Variants in SPAG16 observed in about 807,000 individuals in gnomAD.
SPAG16 encodes the protein sperm-associated antigen 16 protein.
In SPAG16, 86 loss-of-function variants were observed where a neutral mutation model predicts 80.4. The ratio of observed to expected loss-of-function variants is 1.07; its 90% CI spans 0.90 to 1.28. The LOEUF is 1.28. Ranked by LOEUF, SPAG16 falls within the 50% of genes most tolerant of loss-of-function variation. The pLI is 0.00. For missense variants in SPAG16, 870 were observed against 765.3 expected (o/e 1.14, Z -1.61); for synonymous variants, 294 against 265.9 (o/e 1.11, Z -1.03).
intron 15 of SPAG16, among the ~76,000 whole-genome samples, chr2:214,253,355 G>A (rs1690443483): frequency 6.6e-6 from 1 of 152,102 alleles, no homozygotes; most frequent in Admixed American, 6.6e-5. Flanking sequence ...TGCTTTTGGT[G>A]TTTTAGTCAT....
At chr2:213,839,431 C>T (rs1224354794) in intron 10 of SPAG16, among the ~76,000 whole-genome samples, 1 of 152,040 alleles carries the variant, frequency 6.6e-6, no homozygotes, top group Non-Finnish European at 1.5e-5. Flanking sequence ...ATGTTAGAAT[C>T]ACAAATAAAT....
chr2:214,323,711 C>T (rs955429072), intron 15 of SPAG16, among the ~76,000 whole-genome samples: 2 of 152,172 alleles, frequency 1.3e-5, no homozygotes, highest in Admixed American at 1.3e-4. Context: ...TTGAATTACA[C>T]TAAACTAATA....
At position 214,363,205 on chromosome 2, in the gene SPAG16, G is replaced by A. The variant is rs186931268; in HGVS notation, c.1721-46935G>A. On this transcript the variant is annotated intron_variant, in intron 15 of 15. Coordinates refer to ENST00000331683, the MANE Select transcript of SPAG16 (RefSeq NM_024532.5). ...TATAGTTCTAAAGCTTCTTGAGCTAGAAGTCTCGATGTACTACCTGTACTT... is the reference window on the plus strand; with the variant it reads ...TATAGTTCTAAAGCTTCTTGAGCTAAAAGTCTCGATGTACTACCTGTACTT... Among the ~76,000 whole-genome samples, 362 of 151,988 alleles carry A rather than the reference G, an allele frequency of 2.4e-3. 11 individuals are homozygous for A. The highest frequency in any genetic ancestry group is 0.024 in the Admixed American group (359 of 15,210).
chr2:213,705,320 A>T (rs1185822693), intron 10 of SPAG16, among the ~76,000 whole-genome samples: 2 of 152,114 alleles, frequency 1.3e-5, no homozygotes, highest in Non-Finnish European at 2.9e-5. Context: ...GGAAGGAATC[A>T]AGTAGACTAG....
intron 10 of SPAG16, among the ~76,000 whole-genome samples, chr2:213,591,756 C>T (rs993993203): frequency 2.0e-5 from 3 of 152,038 alleles, no homozygotes. Flanking sequence ...TAAGAAGAAA[C>T]ATGAGGAGTA....
At chr2:213,904,441 C>T (rs530856160) in intron 11 of SPAG16, among the ~76,000 whole-genome samples, 11 of 152,146 alleles carry the variant, frequency 7.2e-5, no homozygotes, top group Admixed American at 1.3e-4. Flanking sequence ...GACTTATTCA[C>T]TACCATTAGA....
intron 15 of SPAG16, among the ~76,000 whole-genome samples, chr2:214,254,344 G>A (rs926112509): frequency 2.6e-5 from 4 of 152,098 alleles, no homozygotes; most frequent in African/African-American, 9.7e-5. Flanking sequence ...TGGTAAGAGG[G>A]GGCATCCTTG....
intron 15 of SPAG16, among the ~76,000 whole-genome samples, chr2:214,341,274 A>T (rs1268222953): frequency 6.6e-6 from 1 of 152,196 alleles, no homozygotes; most frequent in Non-Finnish European, 1.5e-5. Context: ...CCAAGGATCA[A>T]CTCAAGAGGT....
In SPAG16 at chr2:214,177,889, A is replaced by AGGG. The variant is rs1250531028; in HGVS notation, c.1720+28623_1720+28624insGGG. On this transcript the variant is annotated intron_variant, in intron 15 of 15. Transcript: ENST00000331683. ...GTAAATTTTAAGTTAAAAAAGCAGA[A>AGGG]TATATATATACATATATATATATAT... is the stretch of plus-strand genomic sequence containing the variant. 3.7e-5 allele frequency among the ~76,000 whole-genome samples: 4 copies of AGGG among 108,190 alleles called. 1 individual carries two copies. Among genetic ancestry groups the AGGG allele is most frequent in the African/African-American group, 1.3e-4 (3 of 23,614 alleles). The allele number at this position is 108,190 out of a possible 152,430, so 71.0% of individuals were successfully genotyped here. A position where few individuals can be genotyped will look rare whatever the true frequency, so the allele number is the denominator to read the frequency against.
intron 9 of SPAG16, among the ~76,000 whole-genome samples, chr2:213,454,143 G>C (rs191588266): frequency 4.7e-4 from 71 of 152,232 alleles, no homozygotes; most frequent in Admixed American, 3.9e-3. Flanking sequence ...CAGCGAAATT[G>C]AGATCATGGC....
chr2:213,804,509 C>T (rs2071621168), intron 10 of SPAG16, among the ~76,000 whole-genome samples: 1 of 152,126 alleles, frequency 6.6e-6, no homozygotes, highest in African/African-American at 2.4e-5. Context: ...CGGTGAAACC[C>T]TGTCTCTACT....
At chr2:213,761,198 GT>G (rs1559446472) in intron 10 of SPAG16, among the ~76,000 whole-genome samples, 1 of 152,188 alleles carries the variant, frequency 6.6e-6, no homozygotes, top group Non-Finnish European at 1.5e-5. Context: ...AAGAGAAATT[GT>G]AAGGGAAATT....
At chr2:213,514,554 T>C in intron 10 of SPAG16, among the ~76,000 whole-genome samples, 1 of 151,846 alleles carries the variant, frequency 6.6e-6, no homozygotes, top group African/African-American at 2.4e-5. Context: ...GCCATGCTGG[T>C]GCGCTGCACC....
chr2:214,275,839 G>A (rs1205153687), intron 15 of SPAG16, among the ~76,000 whole-genome samples: 1 of 152,058 alleles, frequency 6.6e-6, no homozygotes, highest in East Asian at 1.9e-4. Flanking sequence ...TTCAAGTCCT[G>A]GATATCTTTG....
intron 9 of SPAG16, among the ~76,000 whole-genome samples, chr2:213,434,146 C>T (rs2070478971): frequency 6.6e-6 from 1 of 152,022 alleles, no homozygotes; most frequent in Non-Finnish European, 1.5e-5. Context: ...TCTCGAACTC[C>T]TGACCTCAGG....
At chr2:213,987,491 G>A (rs1184756087) in intron 12 of SPAG16, among the ~76,000 whole-genome samples, 1 of 152,046 alleles carries the variant, frequency 6.6e-6, no homozygotes, top group Non-Finnish European at 1.5e-5. Context: ...AATTAAGTTA[G>A]ACTGTATCTT....
chr2:213,602,289 C>G (rs185179038), intron 10 of SPAG16, among the ~76,000 whole-genome samples: 1 of 152,110 alleles, frequency 6.6e-6, no homozygotes, highest in Non-Finnish European at 1.5e-5. Context: ...CATTAAGTGA[C>G]CCAGATCTAT....
intron 15 of SPAG16, among the ~76,000 whole-genome samples, chr2:214,275,233 T>A (rs1389362304): frequency 1.3e-5 from 2 of 152,158 alleles, no homozygotes. Context: ...TTTGTTGATC[T>A]TTTCAAAAAA....
At chr2:214,258,489 A>AAAC (rs1559161030) in intron 15 of SPAG16, among the ~76,000 whole-genome samples, 1 of 148,014 alleles carries the variant, frequency 6.8e-6, no homozygotes, top group Non-Finnish European at 1.5e-5. Flanking sequence ...ATATATATAT[A>AAAC]TACACACACA....
Sources: gnomAD v4.1 joint callset for allele counts (sites outside exome capture counted in the v4.1 genomes callset) on GRCh38, gnomAD v4.1.1 for gene constraint, MANE v1.5 for transcripts, NCBI Gene and HGNC (gene_info 2026-07-23, HGNC 2026-07-21) for gene names.